The following CUBN variants were observed in gnomAD, a reference collection of about 807,000 sequenced individuals.
The protein encoded by CUBN is 460 kDa receptor.
In CUBN, 282 loss-of-function variants were observed where a neutral mutation model predicts 405.3. The ratio of observed to expected loss-of-function variants is 0.70; its 90% CI spans 0.63 to 0.77. The LOEUF is 0.77. Ranked by LOEUF, CUBN falls within the 30% of genes least tolerant of loss-of-function variation. The pLI is 0.00. For missense variants in CUBN, 4,514 were observed against 4,475.2 expected (o/e 1.01, Z -0.25); for synonymous variants, 1,684 against 1,617.0 (o/e 1.04, Z -0.99).
chr10:16,988,964 T>C (rs1199709144), intron 29 of CUBN, among the ~76,000 whole-genome samples: 2 of 152,232 alleles, frequency 1.3e-5, no homozygotes, highest in Non-Finnish European at 2.9e-5. Flanking sequence ...AATTCCTCTG[T>C]ACAGTGCCCT....
rs1368774078 is a variant in CUBN at position 16,928,226 on chromosome 10, A to G, written c.6202T>C (p.Tyr2068His). Reference sequence around the variant, plus strand: ...TCCGAGGTGAAGCGGATGAACATGTACTCTCCAGTAGACCGGATGGGCCCA... The same window carrying G: ...TCCGAGGTGAAGCGGATGAACATGTGCTCTCCAGTAGACCGGATGGGCCCA... ...IPGPIRSTGE[Y>H]MFIRFTSDSS... is the part of the protein sequence containing the mutation. Residue 2068 changes from tyrosine to histidine, a missense_variant, in exon 41 of 67, where the codon TAC becomes CAC. By Grantham distance (83) the Tyr-to-His change is moderately conservative. Transcript: ENST00000377833. 3.7e-6 allele frequency: 6 copies of G among 1,613,800 alleles called. No homozygotes were observed. The African/African-American group carries it at 8.0e-5, about 22-fold the overall frequency.
chr10:16,824,318 G>A lies in CUBN; in HGVS notation c.*657C>T, dbSNP rs1271454057. ...TCCTCCCATCATGGCCTCCCAGCGT[G>A]CTGGGATTATGGGTATGAGCCACTG... On this transcript the variant is annotated 3_prime_UTR_variant, in exon 67 of 67. Coordinates refer to ENST00000377833, the MANE Select transcript of CUBN (RefSeq NM_001081.4). The A allele has an allele frequency of 6.6e-6, 1 of 152,364 alleles. No homozygotes were observed. Among genetic ancestry groups the A allele is most frequent in the East Asian group, 1.9e-4 (1 of 5,196 alleles). The allele number at this position is 152,364 out of a possible 1,614,324, so 9.4% of individuals were successfully genotyped here. A position where few individuals can be genotyped will look rare whatever the true frequency, so the allele number is the denominator to read the frequency against.
chr10:17,075,211 A>G (rs7071155), intron 17 of CUBN, among the ~76,000 whole-genome samples: 44,880 of 150,392 alleles, frequency 0.3, 7,909 homozygotes, highest in African/African-American at 0.49. Flanking sequence ...AGCCTCCCAA[A>G]TAGCTGAGAC....
rs1835126129 is a variant in CUBN, at chr10:17,046,091, A to G, written c.3333T>C (p.Asp1111=). The change falls in exon 24 of 67, where the codon GAT becomes GAC. Residue 1111 remains aspartate (D), a synonymous_variant. Transcript: ENST00000377833. ...NYYTDFLEIR[D]GGYEKSPLLG... ...GCAATGGTGATTTTTCATAGCCTCC[A>G]TCTCTGGCAGAATACAGAAATTAAA... is the stretch of plus-strand genomic sequence containing the variant. 1.9e-6 allele frequency: 3 copies of G among 1,613,196 alleles called. No homozygotes were observed. The highest frequency in any genetic ancestry group is 2.5e-6 in the Non-Finnish European group (3 of 1,179,254).
intron 10 of CUBN, among the ~76,000 whole-genome samples, chr10:17,108,236 C>T (rs1042261567): frequency 1.3e-5 from 2 of 152,156 alleles, no homozygotes; most frequent in African/African-American, 4.8e-5. Flanking sequence ...AACTAAAGCA[C>T]AGAGATTAAG....
intron 40 of CUBN, among the ~76,000 whole-genome samples, chr10:16,930,434 A>T (rs1842329624): frequency 6.6e-6 from 1 of 152,228 alleles, no homozygotes; most frequent in South Asian, 2.1e-4. Flanking sequence ...GTTAACAGTG[A>T]TGTTAACCTT....
intron 51 of CUBN, among the ~76,000 whole-genome samples, chr10:16,903,643 TA>T (rs1841465575): frequency 6.8e-6 from 1 of 147,736 alleles, no homozygotes; most frequent in Non-Finnish European, 1.5e-5. Flanking sequence ...TATTAAATAA[TA>T]ATTATTATTA....
intron 43 of CUBN, among the ~76,000 whole-genome samples, chr10:16,923,064 C>T (rs1249529503): frequency 6.6e-6 from 1 of 152,026 alleles, no homozygotes. Flanking sequence ...TCTCAAACTC[C>T]TAAGCTCAAG....
At chr10:16,826,734 A>G (rs983245841) in intron 66 of CUBN, among the ~76,000 whole-genome samples, 1 of 152,188 alleles carries the variant, frequency 6.6e-6, no homozygotes, top group African/African-American at 2.4e-5. Context: ...CACTTCTCTC[A>G]GTGACTCGGT....
At chr10:17,029,082 T>C (rs1402340189) in intron 27 of CUBN, among the ~76,000 whole-genome samples, 1 of 152,230 alleles carries the variant, frequency 6.6e-6, no homozygotes, top group Non-Finnish European at 1.5e-5. Flanking sequence ...AATGGAATTT[T>C]TACTGCTTCA....
intron 13 of CUBN, among the ~76,000 whole-genome samples, chr10:17,101,719 C>T (rs752173038): frequency 6.6e-6 from 1 of 152,054 alleles, no homozygotes; most frequent in Non-Finnish European, 1.5e-5. Context: ...ATTTGAAGAG[C>T]GTTCACGGAG....
intron 48 of CUBN, 30 bp downstream of exon 48, chr10:16,913,781 A>G: frequency 4.3e-6 from 7 of 1,611,906 alleles, no homozygotes; most frequent in East Asian, 2.2e-5. Flanking sequence ...ATGATGGAAT[A>G]TAACATCTCA....
In CUBN at chr10:16,825,628, AGTGTGTGTGTGTGTGTGT is replaced by A. The variant is rs377156071; in HGVS notation, c.10765-564_10765-547del. ...TTATTTTCATATACTTCTGTGGAAC[AGTGTGTGTGTGTGTGTGT>A]GTGTGTGTGTGTGTGTGTGTGTGTG... On this transcript the variant is annotated intron_variant, in intron 66 of 66. Coordinates refer to ENST00000377833, the MANE Select transcript of CUBN (RefSeq NM_001081.4). Among the ~76,000 whole-genome samples the A allele has an allele frequency of 3.3e-3, 448 of 136,006 alleles. 1 individual carries two copies. The highest frequency in any genetic ancestry group is 0.012 in the African/African-American group (422 of 36,250). 89.2% of individuals were successfully genotyped at this position (136,006 alleles called of 152,430 possible).
chr10:16,990,210 C>T, intron 29 of CUBN, 124 bp downstream of exon 29: 1 of 946,612 alleles, frequency 1.1e-6, no homozygotes, highest in East Asian at 2.4e-5. Flanking sequence ...AGGGCTGATG[C>T]TCATTAAAAT....
chr10:17,033,478 A>C (rs1388948001), intron 27 of CUBN, among the ~76,000 whole-genome samples: 1 of 152,238 alleles, frequency 6.6e-6, no homozygotes, highest in Non-Finnish European at 1.5e-5. Flanking sequence ...AAGTGTCTAA[A>C]ATATATCCTA....
chr10:16,978,777 C>T (rs59711315), intron 31 of CUBN, among the ~76,000 whole-genome samples: 14,899 of 151,986 alleles, frequency 0.098, 1,109 homozygotes, highest in African/African-American at 0.21. Flanking sequence ...TCAGGTAGCC[C>T]GGAACAAGAC....
At chr10:17,091,879 C>T (rs1246062089) in intron 14 of CUBN, among the ~76,000 whole-genome samples, 2 of 152,144 alleles carry the variant, frequency 1.3e-5, no homozygotes, top group Non-Finnish European at 2.9e-5. Context: ...ACAAACAATC[C>T]ATTTCTTTCA....
At chr10:17,045,402 C>T (rs940789888) in intron 24 of CUBN, among the ~76,000 whole-genome samples, 2 of 146,156 alleles carry the variant, frequency 1.4e-5, no homozygotes, top group African/African-American at 2.6e-5. Context: ...CTGGGTCACT[C>T]AGGCTGGAAT....
chr10:16,957,900 A>G (rs1843113688), intron 31 of CUBN, among the ~76,000 whole-genome samples: 1 of 151,822 alleles, frequency 6.6e-6, no homozygotes, highest in African/African-American at 2.4e-5. Context: ...CTTCTCAAAA[A>G]AAAAAAAAAG....
Sources: gnomAD v4.1 joint callset for allele counts (sites outside exome capture counted in the v4.1 genomes callset) on GRCh38, gnomAD v4.1.1 for gene constraint, MANE v1.5 for transcripts, NCBI Gene and HGNC (gene_info 2026-07-23, HGNC 2026-07-21) for gene names.